RBPJ: variants seen among roughly 807,000 people sequenced by gnomAD.
RBPJ encodes recombining binding protein suppressor of hairless.
RBPJ carries 9 observed loss-of-function variants against 67.8 expected under a neutral mutation model. The ratio of observed to expected loss-of-function variants is 0.13; its 90% CI spans 0.08 to 0.23. The LOEUF is 0.23. Among genes scored for constraint, RBPJ ranks in the 10% least tolerant of loss-of-function variants. The pLI is 1.00. For missense variants in RBPJ, 305 were observed against 595.6 expected (o/e 0.51, Z 5.08); for synonymous variants, 198 against 203.3 (o/e 0.97, Z 0.22).
chr4:26,399,217 A>T (rs1415122595), intron 2 of RBPJ, among the ~76,000 whole-genome samples: 2 of 152,266 alleles, frequency 1.3e-5, no homozygotes, highest in East Asian at 3.9e-4. Context: ...TTGCCTCACC[A>T]CCAGCTCACT....
At chr4:26,158,657 G>T (rs928739248), upstream of RBPJ, among the ~76,000 whole-genome samples, 9 of 152,160 alleles carry the variant, frequency 5.9e-5, no homozygotes, top group African/African-American at 2.2e-4. Flanking sequence ...TCAATTTTCT[G>T]CCTACTTTCT....
chr4:26,341,343 G>T (rs1297051572), intron 1 of RBPJ, among the ~76,000 whole-genome samples: 2 of 152,104 alleles, frequency 1.3e-5, no homozygotes, highest in South Asian at 2.1e-4. Context: ...GGCTGGCTGC[G>T]GTGGCTCATG....
At chr4:26,177,492 G>A (rs555269143) in intron 1 of RBPJ, among the ~76,000 whole-genome samples, 6 of 152,198 alleles carry the variant, frequency 3.9e-5, no homozygotes, top group African/African-American at 7.2e-5. Flanking sequence ...TGGGAGGATC[G>A]CTTGAACCCG....
chr4:26,270,379 AAG>A (rs1301563237), intron 1 of RBPJ, among the ~76,000 whole-genome samples: 836 of 47,282 alleles, frequency 0.018, 70 homozygotes, highest in African/African-American at 0.051. Flanking sequence ...GAAAGAAAGA[AAG>A]AAAGAAAGAA....
intron 1 of RBPJ, among the ~76,000 whole-genome samples, chr4:26,221,166 C>T (rs1288033178): frequency 6.6e-6 from 1 of 152,214 alleles, no homozygotes; most frequent in Non-Finnish European, 1.5e-5. Flanking sequence ...TCTCGGCTCA[C>T]TGCAACCTCC....
the RBPJ span, among the ~76,000 whole-genome samples, chr4:26,138,763 C>G: frequency 6.6e-6 from 1 of 152,196 alleles, no homozygotes; most frequent in East Asian, 1.9e-4. Flanking sequence ...TCCATCTGTT[C>G]CTCATGCTCC....
At chr4:26,140,107 T>C in the RBPJ span, among the ~76,000 whole-genome samples, 3 of 152,196 alleles carry the variant, frequency 2.0e-5, no homozygotes, top group Admixed American at 1.3e-4. Context: ...TAGTGGTGAC[T>C]TCAGTGAACT....
intron 1 of RBPJ, among the ~76,000 whole-genome samples, chr4:26,354,566 C>T (rs1727165046): frequency 6.6e-6 from 1 of 150,590 alleles, no homozygotes; most frequent in African/African-American, 2.4e-5. Flanking sequence ...TCTCCTGCTT[C>T]AGCCTCCCAG....
intron 1 of RBPJ, among the ~76,000 whole-genome samples, chr4:26,348,492 T>C (rs1726407601): frequency 6.6e-6 from 1 of 152,206 alleles, no homozygotes; most frequent in Non-Finnish European, 1.5e-5. Flanking sequence ...TTCTTTTAAC[T>C]GATTGCCTCT....
intron 1 of RBPJ, among the ~76,000 whole-genome samples, chr4:26,249,145 G>A (rs1003991061): frequency 6.6e-6 from 1 of 152,144 alleles, no homozygotes; most frequent in African/African-American, 2.4e-5. Context: ...ATAGCATCTC[G>A]AAAGCAAAAG....
intron 2 of RBPJ, among the ~76,000 whole-genome samples, chr4:26,403,288 C>T (rs966637348): frequency 4.6e-5 from 7 of 150,952 alleles, no homozygotes; most frequent in East Asian, 3.9e-4. Context: ...TTTTACTACA[C>T]GCTACCACTT....
At chr4:26,122,458 A>G in the RBPJ span, among the ~76,000 whole-genome samples, 199 of 152,332 alleles carry the variant, frequency 1.3e-3, no homozygotes, top group African/African-American at 4.6e-3. Flanking sequence ...TGGGTATTGT[A>G]GGTTCAAATA....
At chr4:26,426,477 C>A (rs1455236276) in intron 7 of RBPJ, among the ~76,000 whole-genome samples, 1 of 152,036 alleles carries the variant, frequency 6.6e-6, no homozygotes, top group Admixed American at 6.5e-5. Context: ...AGTTGCAGTA[C>A]CATTATTAAG....
At chr4:26,422,155 T>A (rs1387531809) in intron 5 of RBPJ, among the ~76,000 whole-genome samples, 2 of 152,190 alleles carry the variant, frequency 1.3e-5, no homozygotes, top group Non-Finnish European at 2.9e-5. Context: ...CAGAACTGAT[T>A]GGTAAGATAT....
chr4:26,367,056 G>A (rs930525506), intron 1 of RBPJ, among the ~76,000 whole-genome samples: 19 of 152,036 alleles, frequency 1.2e-4, no homozygotes, highest in Non-Finnish European at 2.4e-4. Flanking sequence ...CCTTGGAGGT[G>A]GAGGTTGCAG....
intron 1 of RBPJ, among the ~76,000 whole-genome samples, chr4:26,341,633 CAAAAA>C (rs35755502): frequency 8.3e-5 from 12 of 144,360 alleles, no homozygotes; most frequent in African/African-American, 2.8e-4. Context: ...CAAAACAAAA[CAAAAA>C]AAAACCAAAC....
intron 1 of RBPJ, among the ~76,000 whole-genome samples, chr4:26,235,535 A>G (rs1006802): frequency 0.3 from 46,332 of 152,102 alleles, 7,555 homozygotes; most frequent in African/African-American, 0.42. Flanking sequence ...ACCATGCTTT[A>G]TACCATGATC....
At chr4:26,137,559 G>T in the RBPJ span, among the ~76,000 whole-genome samples, 1 of 152,166 alleles carries the variant, frequency 6.6e-6, no homozygotes, top group South Asian at 2.1e-4. Context: ...ATGGCTGGGG[G>T]TGTGCTGCAG....
intron 4 of RBPJ, among the ~76,000 whole-genome samples, chr4:26,417,989 TAAAA>T (rs754052097): frequency 6.6e-6 from 1 of 152,352 alleles, no homozygotes; most frequent in Non-Finnish European, 1.5e-5. Flanking sequence ...TTTAATTTGT[TAAAA>T]AAATTTACAT....
Sources: gnomAD v4.1 joint callset for allele counts (sites outside exome capture counted in the v4.1 genomes callset) on GRCh38, gnomAD v4.1.1 for gene constraint, MANE v1.5 for transcripts, NCBI Gene and HGNC (gene_info 2026-07-23, HGNC 2026-07-21) for gene names.